The following DCAF5 variants were observed in gnomAD, a reference collection of about 807,000 sequenced individuals.
DCAF5 encodes the protein DDB1 and CUL4 associated factor 5.
A neutral mutation model predicts 80.7 loss-of-function variants in DCAF5; 9 were observed. The observed-to-expected ratio is 0.11, with a 90% confidence interval of 0.07 to 0.19. DCAF5 has a LOEUF of 0.19. Ranked by LOEUF, DCAF5 falls within the 10% of genes least tolerant of loss-of-function variation. DCAF5 has a pLI of 1.00. For missense variants in DCAF5, 842 were observed against 1,205.7 expected, an observed-to-expected ratio of 0.70 and a Z score of 4.47; for synonymous variants, 433 against 461.9, an observed-to-expected ratio of 0.94 and a Z score of 0.80.
rs1198311667 is a variant in DCAF5, at chr14:69,054,918, G to A, written c.1768C>T (p.Arg590Ter). The change falls in exon 9 of 9, where the codon CGA (arginine) becomes TGA (stop). Residue 590 changes from arginine (R) to a stop codon, truncating the protein, a stop_gained. Coordinates refer to ENST00000341516, the MANE Select transcript of DCAF5 (RefSeq NM_003861.3). LOFTEE classifies it high-confidence loss of function. ...TTGTCTTCTCGGGTTGTCTTCTGTCGGCGCCGCATGGCATTCCGCTGCCAG... is the reference window on the plus strand; with the variant it reads ...TTGTCTTCTCGGGTTGTCTTCTGTCAGCGCCGCATGGCATTCCGCTGCCAG... The part of the protein sequence containing the change: ...STWQRNAMRR[R>*]QKTTREDKPS... 6.2e-7 allele frequency: 1 copy of A among 1,614,198 alleles called. No homozygotes were observed. Among genetic ancestry groups the A allele is most frequent in the Non-Finnish European group, 8.5e-7 (1 of 1,180,038 alleles).
chr14:69,078,687 A>C (rs1469961966), intron 6 of DCAF5, among the ~76,000 whole-genome samples: 1 of 152,210 alleles, frequency 6.6e-6, no homozygotes, highest in Non-Finnish European at 1.5e-5. Context: ...ATATGATCCT[A>C]CTAGAGTAGT....
At chr14:69,130,335 C>A (rs1381719502) in intron 1 of DCAF5, among the ~76,000 whole-genome samples, 1 of 152,050 alleles carries the variant, frequency 6.6e-6, no homozygotes, top group East Asian at 1.9e-4. Flanking sequence ...ATAAGCCAGA[C>A]ATAAAAGGAC....
chr14:69,119,006 T>A (rs2140061908), intron 3 of DCAF5, 188 bp downstream of exon 3: 1 of 576,460 alleles, frequency 1.7e-6, no homozygotes, highest in African/African-American at 1.9e-5. Context: ...AACTTTCAAA[T>A]CCCTTTTTCC....
chr14:69,077,036 AT>A (rs1186795537), intron 6 of DCAF5, among the ~76,000 whole-genome samples: 1 of 152,250 alleles, frequency 6.6e-6, no homozygotes, highest in Non-Finnish European at 1.5e-5. Flanking sequence ...ATGTGAACTC[AT>A]AAAAGTATTG....
intron 7 of DCAF5, among the ~76,000 whole-genome samples, chr14:69,073,474 G>A (rs1167365848): frequency 6.6e-6 from 1 of 151,986 alleles, no homozygotes; most frequent in East Asian, 1.9e-4. Context: ...CTAGATGGTC[G>A]ACATCCTAAA....
At chr14:69,133,030 G>A (rs763961602) in intron 1 of DCAF5, among the ~76,000 whole-genome samples, 2 of 151,970 alleles carry the variant, frequency 1.3e-5, no homozygotes, top group African/African-American at 4.8e-5. Context: ...ATAAATGTCA[G>A]CTAATTATTA....
At chr14:69,130,329 G>A (rs1297929834) in intron 1 of DCAF5, among the ~76,000 whole-genome samples, 1 of 152,142 alleles carries the variant, frequency 6.6e-6, no homozygotes, top group Non-Finnish European at 1.5e-5. Context: ...AATAAAATAA[G>A]CCAGACATAA....
chr14:69,102,333 T>C (rs2039983327), intron 5 of DCAF5, among the ~76,000 whole-genome samples: 1 of 151,988 alleles, frequency 6.6e-6, no homozygotes, highest in African/African-American at 2.4e-5. Context: ...GGTCTCGAAC[T>C]CCCGACCTCA....
intron 1 of DCAF5, among the ~76,000 whole-genome samples, chr14:69,131,098 T>C (rs2041025813): frequency 6.6e-6 from 1 of 152,188 alleles, no homozygotes; most frequent in Non-Finnish European, 1.5e-5. Context: ...AACCTTGTTT[T>C]AGGTAGCATT....
chr14:69,141,594 A>C (rs2041375898), intron 1 of DCAF5, among the ~76,000 whole-genome samples: 1 of 152,294 alleles, frequency 6.6e-6, no homozygotes, highest in Non-Finnish European at 1.5e-5. Flanking sequence ...TAATAATTAC[A>C]CTGGGACAAT....
At chr14:69,076,560 A>G (rs1350777445) in intron 6 of DCAF5, among the ~76,000 whole-genome samples, 2 of 152,232 alleles carry the variant, frequency 1.3e-5, no homozygotes, top group Non-Finnish European at 2.9e-5. Flanking sequence ...GTATGACTCC[A>G]TTTATATGAG....
At chr14:69,141,139 TAAAAAAAAAA>T (rs11396838) in intron 1 of DCAF5, among the ~76,000 whole-genome samples, 179 of 59,434 alleles carry the variant, frequency 3.0e-3, no homozygotes, top group African/African-American at 8.8e-3. Flanking sequence ...ATCTCAAATT[TAAAAAAAAAA>T]AAAAAAAAAA....
chr14:69,075,726 C>T (rs185947825), intron 6 of DCAF5, among the ~76,000 whole-genome samples: 12 of 152,198 alleles, frequency 7.9e-5, no homozygotes, highest in Admixed American at 4.6e-4. Context: ...TCAGGTGATC[C>T]GCTGGCCTTG....
chr14:69,141,139 TAAAA>T (rs11396838), intron 1 of DCAF5, among the ~76,000 whole-genome samples: 13 of 59,426 alleles, frequency 2.2e-4, no homozygotes, highest in African/African-American at 7.0e-4. Context: ...ATCTCAAATT[TAAAA>T]AAAAAAAAAA....
chr14:69,083,638 A>G, intron 6 of DCAF5: 1 of 582,056 alleles, frequency 1.7e-6, no homozygotes, highest in South Asian at 1.7e-5. Context: ...GGAAAATATA[A>G]AAGTTAAAAA....
intron 6 of DCAF5, among the ~76,000 whole-genome samples, chr14:69,076,690 A>G (rs1371304348): frequency 1.3e-5 from 2 of 152,220 alleles, no homozygotes; most frequent in African/African-American, 4.8e-5. Flanking sequence ...GAAGTTCTGA[A>G]GGTAGATAGT....
chr14:69,091,468 G>GT (rs1431622773), intron 6 of DCAF5, among the ~76,000 whole-genome samples: 1 of 152,050 alleles, frequency 6.6e-6, no homozygotes, highest in Non-Finnish European at 1.5e-5. Flanking sequence ...GCCAGCCTTG[G>GT]TTTATGGTGT....
At chr14:69,129,743 T>G (rs961637295) in intron 1 of DCAF5, among the ~76,000 whole-genome samples, 1 of 152,114 alleles carries the variant, frequency 6.6e-6, no homozygotes, top group Non-Finnish European at 1.5e-5. Context: ...AGCCCCAGCC[T>G]CTCTGGGGCA....
intron 6 of DCAF5, among the ~76,000 whole-genome samples, chr14:69,082,707 T>C (rs931474476): frequency 2.0e-5 from 3 of 152,192 alleles, no homozygotes; most frequent in African/African-American, 7.2e-5. Context: ...ATGATAGCAC[T>C]CACTTCAGTC....
Sources: gnomAD v4.1 joint callset for allele counts (sites outside exome capture counted in the v4.1 genomes callset) on GRCh38, gnomAD v4.1.1 for gene constraint, MANE v1.5 for transcripts, NCBI Gene and HGNC (gene_info 2026-07-23, HGNC 2026-07-21) for gene names.